Variants in UGT1A10 observed in about 807,000 individuals in gnomAD.
UGT1A10 encodes UDP glucuronosyltransferase family 1 member A10, also known as UDP-glucuronosyltransferase 1A10.
In UGT1A10, 49 loss-of-function variants were observed where a neutral mutation model predicts 45.8. The ratio of observed to expected loss-of-function variants is 1.07; its 90% CI spans 0.85 to 1.36. The LOEUF is 1.36. Among genes scored for constraint, UGT1A10 ranks in the 40% most tolerant of loss-of-function variants. The pLI is 0.00. For missense variants in UGT1A10, 745 were observed against 668.6 expected, an observed-to-expected ratio of 1.11 and a Z score of -1.26; for synonymous variants, 284 against 249.7, an observed-to-expected ratio of 1.14 and a Z score of -1.29.
Position 233,727,426 on chromosome 2 carries a change from C to G in UGT1A10, c.856-39608C>G, listed in dbSNP as rs186038062. On this transcript the variant is annotated intron_variant, in intron 1 of 4. Coordinates refer to ENST00000344644, the MANE Select transcript of UGT1A10 (RefSeq NM_019075.4). ...TGGGCCTCCTCAGGGTCTGGGAGTCCCAGACATGTGACAAGAAATCAGATG... is the reference window on the plus strand; with the variant it reads ...TGGGCCTCCTCAGGGTCTGGGAGTCGCAGACATGTGACAAGAAATCAGATG... 2.0e-5 allele frequency among the ~76,000 whole-genome samples: 3 copies of G among 152,090 alleles called. No homozygotes were observed. In the South Asian group the frequency reaches 6.2e-4, roughly 32 times the overall value.
At chr2:233,732,709 C>G (rs540969589) in intron 1 of UGT1A10, among the ~76,000 whole-genome samples, 1 of 150,878 alleles carries the variant, frequency 6.6e-6, no homozygotes, top group African/African-American at 2.4e-5. Context: ...GTTACTGTAG[C>G]CTTGTAGTAC....
chr2:233,760,308 C>T lies in UGT1A10; in HGVS notation c.856-6726C>T, dbSNP rs780253764. Reference sequence around the variant, plus strand: ...GCGCCATGGCTGTGGAGTCCCAGGGCGGACGCCCACTTGTCCTGGGCCTGC... The same window carrying T: ...GCGCCATGGCTGTGGAGTCCCAGGGTGGACGCCCACTTGTCCTGGGCCTGC... On this transcript the variant is annotated intron_variant, in intron 1 of 4. Transcript: ENST00000344644. 9.9e-6 allele frequency: 16 copies of T among 1,613,678 alleles called. No homozygotes were observed. The highest frequency in any genetic ancestry group is 1.7e-5 in the Admixed American group (1 of 60,028).
At chr2:233,663,029 A>G (rs2074006188) in intron 1 of UGT1A10, among the ~76,000 whole-genome samples, 1 of 152,198 alleles carries the variant, frequency 6.6e-6, no homozygotes, top group African/African-American at 2.4e-5. Context: ...TGCACAGTTC[A>G]GTATCCAGTG....
chr2:233,712,259 G>A (rs763507472), intron 1 of UGT1A10, among the ~76,000 whole-genome samples: 18 of 152,230 alleles, frequency 1.2e-4, no homozygotes, highest in Non-Finnish European at 1.9e-4. Context: ...TCTTGCACAT[G>A]TGTGCTTTAG....
intron 1 of UGT1A10, among the ~76,000 whole-genome samples, chr2:233,641,060 C>T (rs2073438821): frequency 6.6e-6 from 1 of 152,150 alleles, no homozygotes; most frequent in Admixed American, 6.5e-5. Context: ...TCACTGCAAC[C>T]TTGGCATTAT....
chr2:233,672,633 A>G, intron 1 of UGT1A10: 3 of 1,613,882 alleles, frequency 1.9e-6, no homozygotes, highest in Non-Finnish European at 2.5e-6. Flanking sequence ...TAGCCTCTGA[A>G]ATTCTCCAAA....
chr2:233,648,588 G>A (rs2073661656), intron 1 of UGT1A10: 1 of 213,686 alleles, frequency 4.7e-6, no homozygotes, highest in Non-Finnish European at 9.4e-6. Flanking sequence ...AGCCTCCCAA[G>A]TAGCTGGGAC....
rs2074102357 is a variant in UGT1A10, at chr2:233,667,478, A to C, written c.855+30101A>C. Among the ~76,000 whole-genome samples, 3 of 152,350 alleles carry C rather than the reference A, an allele frequency of 2.0e-5. No homozygotes were observed. The South Asian group carries it at 6.2e-4, about 32-fold the overall frequency. On this transcript the variant is annotated intron_variant, in intron 1 of 4. Transcript: ENST00000344644. Reference sequence around the variant, plus strand: ...ATTCAGGACATAGGCATGGGCAAGGACTTCATGTCTAAAACACCAAAAGCA... The same window carrying C: ...ATTCAGGACATAGGCATGGGCAAGGCCTTCATGTCTAAAACACCAAAAGCA...
intron 1 of UGT1A10, among the ~76,000 whole-genome samples, chr2:233,665,231 G>C (rs761958755): frequency 1.3e-5 from 2 of 152,184 alleles, no homozygotes; most frequent in Non-Finnish European, 2.9e-5. Context: ...TGACATGAAA[G>C]TCTTTACTTT....
chr2:233,755,067 T>C (rs1054820279), intron 1 of UGT1A10: 7 of 1,335,636 alleles, frequency 5.2e-6, no homozygotes, highest in Non-Finnish European at 7.0e-6. Flanking sequence ...CGCCTCGCCA[T>C]AGCGGTCATA....
At chr2:233,772,210 A>T in intron 4 of UGT1A10, 52 bp from the exon 5 acceptor site, 1 of 1,610,530 alleles carries the variant, frequency 6.2e-7, no homozygotes, top group Non-Finnish European at 8.5e-7. Flanking sequence ...TAAAGAGAGG[A>T]TTGTTCATAC....
At chr2:233,707,771 T>TA (rs2075986737) in intron 1 of UGT1A10, among the ~76,000 whole-genome samples, 2 of 152,230 alleles carry the variant, frequency 1.3e-5, no homozygotes. Context: ...AGTGGGTTTT[T>TA]AGAGTATATA....
At chr2:233,698,313 T>C (rs545521054) in intron 1 of UGT1A10, among the ~76,000 whole-genome samples, 1 of 152,354 alleles carries the variant, frequency 6.6e-6, no homozygotes, top group South Asian at 2.1e-4. Context: ...CAGATGGAAA[T>C]GTCTGGAACC....
intron 1 of UGT1A10, among the ~76,000 whole-genome samples, chr2:233,718,346 GATGTGCTGTGTTATTCAC>G: frequency 6.6e-6 from 1 of 152,362 alleles, no homozygotes; most frequent in East Asian, 1.9e-4. Flanking sequence ...ATGTCTTTTG[GATGTGCTGTGTTATTCAC>G]ATATGAGAAG....
chr2:233,703,455 C>T (rs971722755), intron 1 of UGT1A10, among the ~76,000 whole-genome samples: 4 of 151,966 alleles, frequency 2.6e-5, no homozygotes, highest in African/African-American at 4.8e-5. Flanking sequence ...TTAATTTCCC[C>T]TCTATTCTTT....
intron 1 of UGT1A10, among the ~76,000 whole-genome samples, chr2:233,696,236 A>T (rs1175700608): frequency 6.6e-6 from 1 of 152,236 alleles, no homozygotes; most frequent in Non-Finnish European, 1.5e-5. Context: ...CAAAATATGG[A>T]ATCAACCTAA....
At chr2:233,771,399 T>G (rs972051776) in intron 4 of UGT1A10, 1 of 152,180 alleles carries the variant, frequency 6.6e-6, no homozygotes, top group East Asian at 1.9e-4. Flanking sequence ...GATTGGGCAA[T>G]GAACACTGTC....
intron 1 of UGT1A10, among the ~76,000 whole-genome samples, chr2:233,744,682 A>C (rs1267258070): frequency 1.3e-5 from 2 of 151,904 alleles, no homozygotes; most frequent in African/African-American, 4.9e-5. Flanking sequence ...TCACCCATGT[A>C]GCTTCTGGAA....
intron 1 of UGT1A10, among the ~76,000 whole-genome samples, chr2:233,661,623 T>TTTTCTTTCTTTCTTTCCTTCTTTC: frequency 2.4e-5 from 3 of 124,046 alleles, no homozygotes; most frequent in African/African-American, 9.6e-5. Context: ...ACTTACTGAA[T>TTTTCTTTCTTTCTTTCCTTCTTTC]TTTCTTTCTT....
Sources: allele counts gnomAD v4.1 joint callset (sites outside exome capture counted in the v4.1 genomes callset), GRCh38; gene constraint gnomAD v4.1.1; transcripts MANE v1.5; gene names NCBI Gene and HGNC (gene_info 2026-07-23, HGNC 2026-07-21).